ALPK3: variants seen among roughly 807,000 people sequenced by gnomAD.
The protein encoded by ALPK3 is alpha-protein kinase 3.
A neutral mutation model predicts 140.0 loss-of-function variants in ALPK3; 102 were observed. The observed-to-expected ratio is 0.73, with a 90% CI of 0.62 to 0.86. ALPK3 has a LOEUF of 0.86. Ranked by LOEUF, ALPK3 falls within the 40% of genes least tolerant of loss-of-function variation. The pLI is 0.00. For missense variants in ALPK3, 2,254 were observed against 2,208.2 expected (o/e 1.02, Z -0.42); for synonymous variants, 938 against 898.5 (o/e 1.04, Z -0.79).
At chr15:84,832,092 C>T (rs1006938788) in intron 3 of ALPK3, among the ~76,000 whole-genome samples, 6 of 152,156 alleles carry the variant, frequency 3.9e-5, no homozygotes, top group African/African-American at 1.4e-4. Flanking sequence ...AAGGAGCAGT[C>T]ATCCAGTGAG....
intron 3 of ALPK3, among the ~76,000 whole-genome samples, chr15:84,831,104 T>C (rs1420235252): frequency 1.3e-5 from 2 of 152,240 alleles, no homozygotes; most frequent in Non-Finnish European, 2.9e-5. Context: ...ATTTTAGACA[T>C]TGTTCCATTA....
In ALPK3 at chr15:84,825,711, G is replaced by A. The variant is rs376353929; in HGVS notation, c.183-1773G>A. The stretch of plus-strand genomic sequence containing the variant: ...GGTTTGAATTAATTGCAGACTCATG[G>A]AAGTAGGATTATGTTTAGCCTGGTG... On this transcript the variant is annotated intron_variant, in intron 2 of 13. Coordinates refer to ENST00000258888, the MANE Select transcript of ALPK3 (RefSeq NM_020778.5). Among the ~76,000 whole-genome samples, 18 of 152,308 alleles carry A rather than the reference G, an allele frequency of 1.2e-4. 1 individual carries two copies. The highest frequency in any genetic ancestry group is 9.7e-4 in the East Asian group (5 of 5,180).
At position 84,856,924 on chromosome 15, in the gene ALPK3, C is replaced by A. The variant is rs911249930; in HGVS notation, c.2186C>A (p.Ala729Glu). Residue 729 changes from alanine (A) to glutamate (E), a missense_variant, in exon 6 of 14, where the codon GCA (alanine) becomes GAA (glutamate). By Grantham distance (107) the Ala-to-Glu change is moderately radical. Around this residue, in one of 3 missense-constraint regions of ALPK3, gnomAD observed 2,088 missense variants for 2,022.9 expected, o/e 1.03. Transcript: ENST00000258888. Reference sequence around the variant, plus strand: ...GAAGGTCAGTCTGAGCAAGAGGTGGCAACCAGCCTCGGCCCACCATCCAGA... The same window carrying A: ...GAAGGTCAGTCTGAGCAAGAGGTGGAAACCAGCCTCGGCCCACCATCCAGA... ...AMEGQSEQEV[A>E]TSLGPPSRTP... 11 of 1,614,024 alleles carry A rather than the reference C, an allele frequency of 6.8e-6. No individual in the cohort carries two copies. The highest frequency in any genetic ancestry group is 9.3e-6 in the Non-Finnish European group (11 of 1,179,968).
Position 84,856,980 on chromosome 15 carries a change from A to G in ALPK3, c.2242A>G (p.Arg748Gly), listed in dbSNP as rs760584321. 1.5e-5 allele frequency: 25 copies of G among 1,613,910 alleles called. No individual in the cohort carries two copies. In the East Asian group the frequency reaches 4.7e-4, roughly 30 times the overall value. ...CAAACTCCCACCTACAGCGGGTCCT[A>G]GAGCTCCTCTGAATATTGAATGTTT... ...TPKLPPTAGPRAPLNIECFVQ... is the reference protein window; with the variant it reads ...TPKLPPTAGPGAPLNIECFVQ... The change falls in exon 6 of 14, where the codon AGA becomes GGA. Residue 748 changes from arginine to glycine, a missense_variant. Around this residue, in one of 3 missense-constraint regions of ALPK3, gnomAD observed 2,088 missense variants for 2,022.9 expected, o/e 1.03. Coordinates refer to ENST00000258888, the MANE Select transcript of ALPK3 (RefSeq NM_020778.5).
Position 84,857,819 on chromosome 15 carries a change from A to G in ALPK3, c.3081A>G (p.Ala1027=), listed in dbSNP as rs1362437271. 4 of 1,611,168 alleles carry G rather than the reference A, an allele frequency of 2.5e-6. No individual in the cohort carries two copies. Among genetic ancestry groups the G allele is most frequent in the Non-Finnish European group, 3.4e-6 (4 of 1,178,320 alleles). Residue 1027 remains alanine (A), a synonymous_variant, in exon 6 of 14, where the codon GCA becomes GCG. Coordinates refer to ENST00000258888, the MANE Select transcript of ALPK3 (RefSeq NM_020778.5). ...RVENNHLVQS[A]QTLLLSPCTS... is the part of the protein sequence containing the mutation. The stretch of plus-strand genomic sequence containing the variant: ...AGAACAACCACCTGGTGCAGAGTGC[A>G]CAGACCCTGCTGCTGAGCCCCTGTA...
Position 84,817,379 on chromosome 15 carries a change from G to C in ALPK3, c.-74G>C. The stretch of plus-strand genomic sequence containing the variant: ...GCGGGAGCGGCGGCGGCGGGCAGGG[G>C]CCCGGGGGCCGGGGCCTGGAGGACA... On this transcript the variant is annotated 5_prime_UTR_variant, in exon 1 of 14. Coordinates refer to ENST00000258888, the MANE Select transcript of ALPK3 (RefSeq NM_020778.5). 8.2e-7 allele frequency: 1 copy of C among 1,221,600 alleles called. No homozygotes were observed. Among genetic ancestry groups the C allele is most frequent in the Non-Finnish European group, 1.0e-6 (1 of 982,924 alleles). 75.7% of individuals were successfully genotyped at this position (1,221,600 alleles called of 1,614,324 possible).
At chr15:84,850,879 TACACACAC>T (rs4040516) in intron 5 of ALPK3, among the ~76,000 whole-genome samples, 10 of 142,362 alleles carry the variant, frequency 7.0e-5, no homozygotes, top group African/African-American at 2.4e-4. Context: ...GTTCCAGATA[TACACACAC>T]ACACACACAC....
chr15:84,827,655 G>A (rs1352361256), intron 3 of ALPK3, 50 bp downstream of exon 3: 1 of 1,600,804 alleles, frequency 6.2e-7, no homozygotes, highest in Non-Finnish European at 8.5e-7. Flanking sequence ...CACAGAGCAG[G>A]GTCCAAGGAG....
At chr15:84,859,934 C>T in intron 8 of ALPK3, 31 bp downstream of exon 8, 1 of 1,613,770 alleles carries the variant, frequency 6.2e-7, no homozygotes, top group Non-Finnish European at 8.5e-7. Context: ...GGGGTCTCAG[C>T]CTGGCCTGGC....
Position 84,856,808 on chromosome 15 carries a change from G to GGAA in ALPK3, c.2071_2072insAAG (p.Lys690_Gly691insGlu). ...AAGACAGGAAGGCCCAGGCAGATAA[G>GGAA]GGCACACAGGAAGACAGAAGGATGC... On this transcript the variant is annotated inframe_insertion, in exon 6 of 14. Coordinates refer to ENST00000258888, the MANE Select transcript of ALPK3 (RefSeq NM_020778.5). The GGAA allele has an allele frequency of 6.2e-7, 1 of 1,614,042 alleles. No individual in the cohort carries two copies. The highest frequency in any genetic ancestry group is 8.5e-7 in the Non-Finnish European group (1 of 1,179,994).
rs763966913 is a variant in ALPK3, at chr15:84,839,894, G to A, written c.615G>A (p.Ala205=). The A allele has an allele frequency of 6.2e-6, 10 of 1,613,906 alleles. No homozygotes were observed. The South Asian group carries it at 1.1e-4, about 18-fold the overall frequency. The change falls in exon 5 of 14, where the codon GCG becomes GCA. Residue 205 remains alanine (A), a synonymous_variant. Transcript: ENST00000258888. ...EIEQSWKHEK[A]VPGEVDTLRK... ...AGCAGAGCTGGAAGCACGAGAAGGC[G>A]GTGCCTGGGGAGGTCGACACTCTGC...
In ALPK3 at chr15:84,857,542, C is replaced by A; in HGVS notation, c.2804C>A (p.Ala935Asp). ...PETMATSSEG[A>D]CAQVPDVEGR... is the part of the protein sequence containing the mutation. ...ACCATGGCCACCAGCAGTGAGGGGG[C>A]CTGCGCCCAGGTACCAGATGTGGAG... The change falls in exon 6 of 14, where the codon GCC becomes GAC. Residue 935 changes from alanine (A) to aspartate (D), a missense_variant. Around this residue, in one of 3 missense-constraint regions of ALPK3, gnomAD observed 2,088 missense variants for 2,022.9 expected, o/e 1.03. Transcript: ENST00000258888. The A allele has an allele frequency of 6.3e-7, 1 of 1,586,970 alleles. No individual in the cohort carries two copies. The highest frequency in any genetic ancestry group is 1.2e-5 in the South Asian group (1 of 86,152).
chr15:84,866,323 A>G (rs1432346967), intron 12 of ALPK3, among the ~76,000 whole-genome samples: 2 of 152,238 alleles, frequency 1.3e-5, no homozygotes, highest in South Asian at 2.1e-4. Context: ...GATTTTCTCA[A>G]TACTCTGTAA....
rs765180242 is a variant in ALPK3, at chr15:84,857,530, G to A, written c.2792G>A (p.Ser931Asn). Residue 931 changes from serine (S) to asparagine (N), a missense_variant, in exon 6 of 14, where the codon AGC (serine) becomes AAC (asparagine). Ser to Asn is a conservative substitution (Grantham distance 46). This residue lies in a region of ALPK3 where 2,088 missense variants were observed against 2,022.9 expected (regional missense o/e 1.03). Coordinates refer to ENST00000258888, the MANE Select transcript of ALPK3 (RefSeq NM_020778.5). Reference protein sequence around the residue: ...QSHPPETMATSSEGACAQVPD... With the variant: ...QSHPPETMATNSEGACAQVPD... ...CACCCACCAGAAACCATGGCCACCA[G>A]CAGTGAGGGGGCCTGCGCCCAGGTA... The A allele has an allele frequency of 2.5e-6, 4 of 1,592,894 alleles. No homozygotes were observed. The highest frequency in any genetic ancestry group is 3.4e-6 in the Non-Finnish European group (4 of 1,168,710).
chr15:84,817,702 G>C, intron 1 of ALPK3, 107 bp downstream of exon 1: 2 of 1,303,816 alleles, frequency 1.5e-6, no homozygotes, highest in Non-Finnish European at 2.0e-6. Context: ...CTGCGCCCTC[G>C]AGCCCTCTCA....
At position 84,857,434 on chromosome 15, in the gene ALPK3, C is replaced by T. The variant is rs551727878; in HGVS notation, c.2696C>T (p.Pro899Leu). 3 of 1,613,968 alleles carry T rather than the reference C, an allele frequency of 1.9e-6. No individual in the cohort carries two copies. The South Asian group carries it at 3.3e-5, about 18-fold the overall frequency. The stretch of plus-strand genomic sequence containing the variant: ...CACGGGAGCACAGCCACCTTCCTGC[C>T]CTCTGAGGATCAGGTCCTGATGAGT... ...SQHGSTATFL[P>L]SEDQVLMSSA... is the part of the protein sequence containing the mutation. The change falls in exon 6 of 14, where the codon CCC becomes CTC. Residue 899 changes from proline (P) to leucine (L), a missense_variant. Transcript: ENST00000258888.
In ALPK3 at chr15:84,858,215, G is replaced by T. The variant is rs1266063530; in HGVS notation, c.3477G>T (p.Leu1159=). The T allele has an allele frequency of 6.2e-7, 1 of 1,612,148 alleles. No homozygotes were observed. The highest frequency in any genetic ancestry group is 8.5e-7 in the Non-Finnish European group (1 of 1,179,144). ...TCCCGGCAGCTACACCTGAGGAACTGGCTCTAGGGGCCCGGAGGAAGAGAT... is the reference window on the plus strand; with the variant it reads ...TCCCGGCAGCTACACCTGAGGAACTTGCTCTAGGGGCCCGGAGGAAGAGAT... ...TGLPAATPEE[L]ALGARRKRFL... Residue 1159 remains leucine (L), a synonymous_variant, in exon 6 of 14, where the codon CTG becomes CTT. Coordinates refer to ENST00000258888, the MANE Select transcript of ALPK3 (RefSeq NM_020778.5).
At position 84,856,959 on chromosome 15, in the gene ALPK3, C is replaced by T. The variant is rs1265508575; in HGVS notation, c.2221C>T (p.Leu741Phe). 2 of 1,614,158 alleles carry T rather than the reference C, an allele frequency of 1.2e-6. No homozygotes were observed. The highest frequency in any genetic ancestry group is 1.7e-6 in the Non-Finnish European group (2 of 1,180,020). Reference protein sequence around the residue: ...SLGPPSRTPKLPPTAGPRAPL... With the variant: ...SLGPPSRTPKFPPTAGPRAPL... ...CGGCCCACCATCCAGAACCCCCAAA[C>T]TCCCACCTACAGCGGGTCCTAGAGC... The change falls in exon 6 of 14, where the codon CTC (leucine) becomes TTC (phenylalanine). Residue 741 changes from leucine (L) to phenylalanine (F), a missense_variant. Physicochemically the swap from Leu to Phe is conservative, Grantham distance 22 (BLOSUM62 0). This residue lies in a region of ALPK3 where 2,088 missense variants were observed against 2,022.9 expected (regional missense o/e 1.03). Coordinates refer to ENST00000258888, the MANE Select transcript of ALPK3 (RefSeq NM_020778.5).
chr15:84,847,268 A>G (rs1413026583), intron 5 of ALPK3, among the ~76,000 whole-genome samples: 1 of 148,678 alleles, frequency 6.7e-6, no homozygotes, highest in Non-Finnish European at 1.5e-5. Context: ...AAAATCAATG[A>G]ACAGAGCCTC....
Sources: gnomAD v4.1 joint callset for allele counts (sites outside exome capture counted in the v4.1 genomes callset) on GRCh38, gnomAD v4.1.1 for gene constraint, gnomAD v4.1.1 regional missense constraint, MANE v1.5 for transcripts, NCBI Gene and HGNC (gene_info 2026-07-23, HGNC 2026-07-21) for gene names.